FRMD4B: variants seen among roughly 807,000 people sequenced by gnomAD.
FRMD4B encodes FERM domain containing 4B.
Under a neutral mutation model 141.5 loss-of-function variants are expected in FRMD4B, and 74 were observed. The ratio of observed to expected loss-of-function variants is 0.52; its 90% confidence interval spans 0.43 to 0.63. The LOEUF is 0.63. Ranked by LOEUF, FRMD4B falls within the 30% of genes least tolerant of loss-of-function variation. The pLI, the probability that FRMD4B is intolerant of heterozygous loss-of-function variation, is 0.00. For missense variants in FRMD4B, 1,366 were observed against 1,253.4 expected, an observed-to-expected ratio of 1.09 and a Z score of -1.36; for synonymous variants, 506 against 467.9, an observed-to-expected ratio of 1.08 and a Z score of -1.05.
chr3:69,206,781 C>T (rs9848667), intron 11 of FRMD4B, among the ~76,000 whole-genome samples: 104,771 of 151,894 alleles, frequency 0.69, 37,512 homozygotes, highest in Non-Finnish European at 0.78. Flanking sequence ...GGGATTGTGG[C>T]TTTTTCCTTA....
chr3:69,290,522 C>A (rs1700838417), intron 4 of FRMD4B, among the ~76,000 whole-genome samples: 1 of 152,110 alleles, frequency 6.6e-6, no homozygotes, highest in South Asian at 2.1e-4. Context: ...AAGAACCTTC[C>A]AGTTCAGCTA....
intron 1 of FRMD4B, among the ~76,000 whole-genome samples, chr3:69,493,406 T>C (rs1340667676): frequency 6.6e-6 from 1 of 152,124 alleles, no homozygotes; most frequent in African/African-American, 2.4e-5. Context: ...TGGAAAACCA[T>C]CTCCTGCCTT....
intron 4 of FRMD4B, among the ~76,000 whole-genome samples, chr3:69,295,307 T>G (rs1384757473): frequency 6.6e-6 from 1 of 152,196 alleles, no homozygotes; most frequent in African/African-American, 2.4e-5. Flanking sequence ...ATTATTTGAC[T>G]GTCAGCACTT....
At chr3:69,418,823 T>TGTGC (rs1704921360) in intron 2 of FRMD4B, among the ~76,000 whole-genome samples, 1 of 72,274 alleles carries the variant, frequency 1.4e-5, no homozygotes, top group Non-Finnish European at 3.4e-5. Flanking sequence ...ATAGCAACTA[T>TGTGC]GTGTGTGTGT....
chr3:69,245,834 GTTTTTTTTTTT>G lies in FRMD4B; in HGVS notation c.581+3381_581+3391del, dbSNP rs1183774603. Among the ~76,000 whole-genome samples the G allele has an allele frequency of 5.1e-5, 4 of 78,346 alleles. No homozygotes were observed. The East Asian group carries it at 1.1e-3, about 22-fold the overall frequency. The allele number at this position is 78,346 out of a possible 152,430, so 51.4% of individuals were successfully genotyped here. On this transcript the variant is annotated intron_variant, in intron 7 of 22. Transcript: ENST00000398540. ...GTCTGCGAACGTGCCAGGCTAATTT[GTTTTTTTTTTT>G]TTTTTTTTTTTGAGACAGTTTCACT... is the stretch of plus-strand genomic sequence containing the variant.
Position 69,393,299 on chromosome 3 carries a change from G to C in FRMD4B, c.-1+39335C>G, listed in dbSNP as rs186217617. 2.8e-5 allele frequency among the ~76,000 whole-genome samples: 4 copies of C among 142,344 alleles called. 1 individual carries two copies. Among genetic ancestry groups the C allele is most frequent in the African/African-American group, 7.6e-5 (3 of 39,240 alleles). The allele number at this position is 142,344 out of a possible 152,430, so 93.4% of individuals were successfully genotyped here. On this transcript the variant is annotated intron_variant, in intron 2 of 5. Coordinates refer to the FRMD4B transcript ENST00000459638. ...GTCTCCTTGCTCAAAGAAAAGAGGA[G>C]GGATGCTATCTATATTGTCTGAAGA...
At chr3:69,183,019 C>G (rs149121686) in intron 19 of FRMD4B, among the ~76,000 whole-genome samples, 1 of 152,258 alleles carries the variant, frequency 6.6e-6, no homozygotes, top group Non-Finnish European at 1.5e-5. Context: ...CCTGAACATT[C>G]AAAACAGTCC....
intron 2 of FRMD4B, among the ~76,000 whole-genome samples, chr3:69,398,364 T>C (rs568863525): frequency 9.2e-5 from 14 of 152,338 alleles, no homozygotes; most frequent in Middle Eastern, 3.4e-3. Flanking sequence ...GTGATTAGCA[T>C]ATCCATCATG....
At chr3:69,283,201 T>C (rs953291764) in intron 5 of FRMD4B, among the ~76,000 whole-genome samples, 9 of 151,582 alleles carry the variant, frequency 5.9e-5, no homozygotes, top group African/African-American at 1.9e-4. Context: ...CTGGCCAACA[T>C]GGTGAAACCC....
chr3:69,326,119 A>ATTTTTTTTT (rs371350022), intron 1 of FRMD4B, among the ~76,000 whole-genome samples: 20 of 133,684 alleles, frequency 1.5e-4, no homozygotes, highest in African/African-American at 5.5e-4. Flanking sequence ...TGGCTAATCA[A>ATTTTTTTTT]TTTTTTTTTT....
chr3:69,317,834 G>T (rs895375067), intron 1 of FRMD4B, among the ~76,000 whole-genome samples: 4 of 151,256 alleles, frequency 2.6e-5, no homozygotes, highest in African/African-American at 9.7e-5. Flanking sequence ...TTTGTTGTCA[G>T]GGTTCCTAAT....
intron 10 of FRMD4B, among the ~76,000 whole-genome samples, chr3:69,217,064 G>A (rs1220001053): frequency 2.0e-5 from 3 of 151,486 alleles, no homozygotes; most frequent in Admixed American, 6.6e-5. Context: ...TTACAAAGAT[G>A]AGAAAAGTGG....
chr3:69,486,147 GC>G (rs1209569627), intron 1 of FRMD4B, among the ~76,000 whole-genome samples: 1 of 152,226 alleles, frequency 6.6e-6, no homozygotes, highest in African/African-American at 2.4e-5. Flanking sequence ...TCCCAAGTTG[GC>G]TGGAAGTCTG....
chr3:69,304,533 G>A (rs923943365), intron 3 of FRMD4B, among the ~76,000 whole-genome samples: 1 of 149,710 alleles, frequency 6.7e-6, no homozygotes, highest in African/African-American at 2.5e-5. Flanking sequence ...CTCTCTGAGT[G>A]CCACTTCTGT....
chr3:69,299,057 G>A (rs533571722), intron 4 of FRMD4B, among the ~76,000 whole-genome samples: 2 of 152,194 alleles, frequency 1.3e-5, no homozygotes, highest in South Asian at 4.2e-4. Flanking sequence ...ATTTGTTTAT[G>A]TGTATGCTGA....
chr3:69,220,435 C>A (rs2093182797), intron 9 of FRMD4B, among the ~76,000 whole-genome samples: 1 of 152,178 alleles, frequency 6.6e-6, no homozygotes, highest in African/African-American at 2.4e-5. Context: ...GAAATTGTCA[C>A]TACTTCTTTT....
At chr3:69,427,648 T>C (rs912357987) in intron 2 of FRMD4B, among the ~76,000 whole-genome samples, 4 of 115,670 alleles carry the variant, frequency 3.5e-5, no homozygotes, top group Admixed American at 3.4e-4. Flanking sequence ...TAAATGTTTT[T>C]TTTTTTTTTT....
At chr3:69,181,825 G>C (rs1009177483) in intron 20 of FRMD4B, 115 bp from the exon 21 acceptor site, 3 of 655,174 alleles carry the variant, frequency 4.6e-6, no homozygotes, top group African/African-American at 3.7e-5. Context: ...ATAGGACTTT[G>C]AGTTGCCAAA....
intron 1 of FRMD4B, among the ~76,000 whole-genome samples, chr3:69,450,555 C>T (rs1429274485): frequency 2.0e-5 from 3 of 152,180 alleles, no homozygotes; most frequent in East Asian, 3.9e-4. Flanking sequence ...GAGTTCAAGA[C>T]GAGCCTGTCC....
Sources: allele counts gnomAD v4.1 joint callset (sites outside exome capture counted in the v4.1 genomes callset), GRCh38; gene constraint gnomAD v4.1.1; transcripts MANE v1.5; gene names NCBI Gene and HGNC (gene_info 2026-07-23, HGNC 2026-07-21).